KY: variants seen among roughly 807,000 people sequenced by gnomAD.
KY encodes kyphoscoliosis peptidase.
A neutral mutation model predicts 76.1 loss-of-function variants in KY; 43 were observed. That is an observed-to-expected ratio of 0.57 (90% CI 0.44 to 0.73). The LOEUF (loss-of-function observed/expected upper bound fraction) is 0.73, where lower values mean the gene tolerates loss of function less well. Among genes scored for constraint, KY ranks in the 30% least tolerant of loss-of-function variants. The pLI is 0.00. For synonymous variants in KY, 277 were observed against 326.2 expected (o/e 0.85, Z 1.63); for missense variants, 722 against 828.9 (o/e 0.87, Z 1.58).
chr3:134,629,146 C>T (rs1963888973), intron 4 of KY, among the ~76,000 whole-genome samples: 1 of 152,228 alleles, frequency 6.6e-6, no homozygotes, highest in African/African-American at 2.4e-5. Context: ...AGACCACAGG[C>T]TTCAGAGTCA....
At chr3:134,628,365 T>G (rs1963746914) in intron 4 of KY, among the ~76,000 whole-genome samples, 1 of 152,218 alleles carries the variant, frequency 6.6e-6, no homozygotes, top group East Asian at 1.9e-4. Context: ...GTTATTAGAC[T>G]CCCTGGGCAA....
intron 6 of KY, among the ~76,000 whole-genome samples, chr3:134,621,167 A>C (rs1352128463): frequency 3.3e-5 from 5 of 152,204 alleles, no homozygotes; most frequent in African/African-American, 1.2e-4. Flanking sequence ...CTAAGGATTT[A>C]ACATAATCCT....
chr3:134,623,308 GC>G (rs1403705670), intron 6 of KY, among the ~76,000 whole-genome samples: 2 of 152,130 alleles, frequency 1.3e-5, no homozygotes, highest in Non-Finnish European at 2.9e-5. Context: ...AAAAATCTGG[GC>G]CCTTTGCAGA....
chr3:134,626,485 C>A (rs10935123), intron 5 of KY, among the ~76,000 whole-genome samples: 1 of 151,964 alleles, frequency 6.6e-6, no homozygotes, highest in African/African-American at 2.4e-5. Flanking sequence ...AGGGTGCAGG[C>A]TGTGGGGCTC....
chr3:134,612,884 A>G (rs1173252636), intron 8 of KY: 2 of 151,824 alleles, frequency 1.3e-5, no homozygotes, highest in African/African-American at 2.4e-5. Flanking sequence ...ATGGGATTAT[A>G]GGTGATTTTA....
At chr3:134,646,783 T>C (rs555040726) in intron 2 of KY, among the ~76,000 whole-genome samples, 38 of 152,260 alleles carry the variant, frequency 2.5e-4, no homozygotes, top group Non-Finnish European at 2.2e-4. Context: ...GAGTAGAGGT[T>C]TGGTCTCTAT....
intron 4 of KY, among the ~76,000 whole-genome samples, chr3:134,628,643 C>T (rs530336948): frequency 2.6e-5 from 4 of 152,314 alleles, no homozygotes; most frequent in South Asian, 2.1e-4. Flanking sequence ...GATAAAGGTT[C>T]GAAATGATAG....
chr3:134,603,529 G>A lies in KY; in HGVS notation c.*50C>T, dbSNP rs1394879049. 1 of 1,499,524 alleles carries A rather than the reference G, an allele frequency of 6.7e-7. No individual in the cohort carries two copies. Among genetic ancestry groups the A allele is most frequent in the Non-Finnish European group, 9.0e-7 (1 of 1,113,260 alleles). The allele number at this position is 1,499,524 out of a possible 1,614,324, so 92.9% of individuals were successfully genotyped here. A position where few individuals can be genotyped will look rare whatever the true frequency, so the allele number is the denominator to read the frequency against. On this transcript the variant is annotated 3_prime_UTR_variant, in exon 11 of 11. Transcript: ENST00000423778. ...CCTGCACTTCCTTCGAGCCCTCCCT[G>A]GGGAGGTCTGGCCTTGGCCCTTTGG...
intron 8 of KY, among the ~76,000 whole-genome samples, chr3:134,614,012 TATC>T (rs1305807106): frequency 6.6e-6 from 1 of 152,042 alleles, no homozygotes; most frequent in Non-Finnish European, 1.5e-5. Context: ...CATAAAAAAA[TATC>T]ATATCCCCAA....
chr3:134,610,372 A>G lies in KY; in HGVS notation c.722T>C (p.Val241Ala), dbSNP rs759331768. ...GTAGCCAGGCACGGTCATACACTGC[A>G]CTCCGGCGAGCCTGGGGGCAGGACA... ...LFERMCRLAG[V>A]QCMTVPGYSK... Residue 241 changes from valine to alanine, a missense_variant, in exon 9 of 11, where the codon GTG becomes GCG. By Grantham distance (64) the Val-to-Ala change is moderately conservative. Transcript: ENST00000423778. The G allele has an allele frequency of 1.9e-6, 3 of 1,610,638 alleles. No individual in the cohort carries two copies. In the African/African-American group the frequency reaches 4.0e-5, roughly 22 times the overall value.
chr3:134,613,279 T>G (rs1960867024), intron 8 of KY: 1 of 153,596 alleles, frequency 6.5e-6, no homozygotes, highest in South Asian at 2.0e-4. Context: ...GTATGGAATG[T>G]CCTCCTGGGA....
intron 10 of KY, chr3:134,607,805 C>T (rs369225431): frequency 1.0e-6 from 1 of 987,774 alleles, no homozygotes; most frequent in Non-Finnish European, 1.2e-6. Flanking sequence ...GTATCCTATA[C>T]TGCCCCAGGG....
At position 134,603,344 on chromosome 3, in the gene KY, C is replaced by G. The variant is rs1323397739; in HGVS notation, c.*235G>C. Reference sequence around the variant, plus strand: ...TACAATACCTTAGATTTACATAGCACCTTTTCCTTCTAAAGAGCCACTGCC... The same window carrying G: ...TACAATACCTTAGATTTACATAGCAGCTTTTCCTTCTAAAGAGCCACTGCC... On this transcript the variant is annotated 3_prime_UTR_variant, in exon 11 of 11. Transcript: ENST00000423778. 1 of 456,900 alleles carries G rather than the reference C, an allele frequency of 2.2e-6. No homozygotes were observed. Among genetic ancestry groups the G allele is most frequent in the East Asian group, 3.4e-5 (1 of 29,360 alleles). 28.3% of individuals were successfully genotyped at this position (456,900 alleles called of 1,614,324 possible). A position where few individuals can be genotyped will look rare whatever the true frequency, so the allele number is the denominator to read the frequency against.
At chr3:134,648,833 C>A (rs1170513799) in intron 1 of KY, among the ~76,000 whole-genome samples, 1 of 152,188 alleles carries the variant, frequency 6.6e-6, no homozygotes, top group African/African-American at 2.4e-5. Flanking sequence ...TGACATGGAG[C>A]CTAGGCCCTC....
At chr3:134,636,933 T>C (rs1965057007) in intron 3 of KY, among the ~76,000 whole-genome samples, 1 of 152,246 alleles carries the variant, frequency 6.6e-6, no homozygotes, top group Admixed American at 6.5e-5. Context: ...TATTATTTTT[T>C]CCTCATTGAT....
intron 8 of KY, among the ~76,000 whole-genome samples, chr3:134,612,176 A>G (rs1188483151): frequency 6.6e-6 from 1 of 152,186 alleles, no homozygotes; most frequent in Middle Eastern, 3.2e-3. Context: ...AAGGAGGTTC[A>G]GGCCTCCTAA....
chr3:134,634,615 A>G (rs1340990634), intron 3 of KY, among the ~76,000 whole-genome samples: 6 of 152,264 alleles, frequency 3.9e-5, no homozygotes, highest in African/African-American at 1.4e-4. Flanking sequence ...ATGAGACATC[A>G]CATCTATTAG....
rs1235337993 is a variant in KY, at chr3:134,642,488, G to A, written c.262+828C>T. ...CCTGGCCTCCTGTCACCATTGCTGT[G>A]GGGCCCTCCTGTCTCTATCTTGTCG... On this transcript the variant is annotated intron_variant, in intron 3 of 10. Transcript: ENST00000423778. 2.6e-5 allele frequency among the ~76,000 whole-genome samples: 4 copies of A among 151,814 alleles called. No individual in the cohort carries two copies. The South Asian group carries it at 8.4e-4, about 32-fold the overall frequency.
chr3:134,623,551 C>T lies in KY; in HGVS notation c.483+1502G>A, dbSNP rs530157748. Reference sequence around the variant, plus strand: ...CCTGGCTGCTCCATGCCCCCTTGTTCCCCCACCTTAGGATGCCCCCCTACT... The same window carrying T: ...CCTGGCTGCTCCATGCCCCCTTGTTTCCCCACCTTAGGATGCCCCCCTACT... On this transcript the variant is annotated intron_variant, in intron 6 of 10. Transcript: ENST00000423778. Among the ~76,000 whole-genome samples the T allele has an allele frequency of 8.1e-5, 12 of 148,708 alleles. No homozygotes were observed. In the East Asian group the frequency reaches 2.3e-3, roughly 28 times the overall value.
Sources: allele counts gnomAD v4.1 joint callset (sites outside exome capture counted in the v4.1 genomes callset), GRCh38; gene constraint gnomAD v4.1.1; transcripts MANE v1.5; gene names NCBI Gene and HGNC (gene_info 2026-07-23, HGNC 2026-07-21).